PCDHA5: variants seen among roughly 807,000 people sequenced by gnomAD.
The protein encoded by PCDHA5 is protocadherin alpha 5.
A neutral mutation model predicts 61.6 loss-of-function variants in PCDHA5; 43 were observed. That is an observed-to-expected ratio of 0.70 (90% CI 0.55 to 0.90). PCDHA5 has a LOEUF of 0.90. PCDHA5 is among the 40% of genes least tolerant of loss of function. The pLI, the probability that PCDHA5 is intolerant of heterozygous loss-of-function variation, is 0.00. For synonymous variants in PCDHA5, 627 were observed against 543.9 expected, an observed-to-expected ratio of 1.15 and a Z score of -2.13; for missense variants, 1,298 against 1,222.7, an observed-to-expected ratio of 1.06 and a Z score of -0.92.
intron 1 of PCDHA5, among the ~76,000 whole-genome samples, chr5:140,897,922 C>T (rs1476419563): frequency 3.3e-5 from 5 of 152,164 alleles, no homozygotes; most frequent in Non-Finnish European, 5.9e-5. Context: ...TTTTGATTTG[C>T]GTTTCTCTGA....
At chr5:140,882,000 G>A in intron 1 of PCDHA5, 1 of 477,842 alleles carries the variant, frequency 2.1e-6, no homozygotes, top group Non-Finnish European at 3.5e-6. Flanking sequence ...GGAAATGCAA[G>A]GGGCAAAAAA....
chr5:140,835,558 G>A (rs1359916127), intron 1 of PCDHA5: 13 of 1,613,894 alleles, frequency 8.1e-6, no homozygotes, highest in Non-Finnish European at 1.0e-5. Context: ...CTGACGCCCC[G>A]CGTTCCCTTC....
At chr5:140,955,183 G>A (rs556157825) in intron 1 of PCDHA5, among the ~76,000 whole-genome samples, 1 of 152,122 alleles carries the variant, frequency 6.6e-6, no homozygotes, top group South Asian at 2.1e-4. Flanking sequence ...GTAGTTTTGT[G>A]GTGTATATGA....
At chr5:140,827,173 A>G (rs1396480126) in intron 1 of PCDHA5, among the ~76,000 whole-genome samples, 1 of 152,190 alleles carries the variant, frequency 6.6e-6, no homozygotes, top group Non-Finnish European at 1.5e-5. Flanking sequence ...ATACCTCAAT[A>G]AAAGTCTTAT....
In PCDHA5 at chr5:140,966,434, C is replaced by G. The variant is rs889087342; in HGVS notation, c.2353-12515C>G. 9 of 423,984 alleles carry G rather than the reference C, an allele frequency of 2.1e-5. No individual in the cohort carries two copies. In the Admixed American group the frequency reaches 3.9e-4, roughly 19 times the overall value. The allele number at this position is 423,984 out of a possible 1,614,324, so 26.3% of individuals were successfully genotyped here. On this transcript the variant is annotated intron_variant, in intron 1 of 3. Coordinates refer to ENST00000529859, the MANE Select transcript of PCDHA5 (RefSeq NM_018908.3). ...GAGCAGGACTTGCTGAGCCCTCCTA[C>G]CGCTCCCTTTCCCCCTCCCCCTCTG...
chr5:140,884,521 G>C (rs569278761), intron 1 of PCDHA5: 1 of 1,614,196 alleles, frequency 6.2e-7, no homozygotes, highest in African/African-American at 1.3e-5. Context: ...GGTCGTACTC[G>C]CAGCAGAGGC....
intron 1 of PCDHA5, among the ~76,000 whole-genome samples, chr5:140,840,919 A>C (rs2150310100): frequency 6.6e-5 from 10 of 152,182 alleles, no homozygotes; most frequent in African/African-American, 2.2e-4. Context: ...TAAATTTATT[A>C]TTAATTGATA....
intron 1 of PCDHA5, chr5:140,869,477 A>C: frequency 6.2e-7 from 1 of 1,614,208 alleles, no homozygotes; most frequent in South Asian, 1.1e-5. Context: ...GAGGTGAAGG[A>C]CATTAACGAC....
At chr5:140,914,997 G>A (rs548148626) in intron 1 of PCDHA5, among the ~76,000 whole-genome samples, 43 of 148,264 alleles carry the variant, frequency 2.9e-4, no homozygotes, top group African/African-American at 1.0e-3. Flanking sequence ...CCAGGCTGGA[G>A]TGCAGTGGCC....
chr5:140,845,035 G>GC (rs1258686768), intron 1 of PCDHA5, among the ~76,000 whole-genome samples: 16 of 149,032 alleles, frequency 1.1e-4, no homozygotes, highest in African/African-American at 3.7e-4. Flanking sequence ...GCATATTTTA[G>GC]CCCCCTTGTC....
intron 1 of PCDHA5, among the ~76,000 whole-genome samples, chr5:140,845,100 T>G (rs1393397461): frequency 1.3e-5 from 2 of 149,736 alleles, no homozygotes; most frequent in Non-Finnish European, 3.0e-5. Flanking sequence ...TACAGTTCTC[T>G]TAATGCCTGT....
At chr5:140,976,566 A>C (rs2096723160) in intron 1 of PCDHA5, among the ~76,000 whole-genome samples, 2 of 152,098 alleles carry the variant, frequency 1.3e-5, no homozygotes, top group African/African-American at 4.8e-5. Flanking sequence ...TAAATAAATA[A>C]ATATAAATAA....
intron 1 of PCDHA5, chr5:140,866,843 TAAC>T (rs1212569386): frequency 2.6e-5 from 4 of 152,142 alleles, no homozygotes; most frequent in African/African-American, 9.7e-5. Flanking sequence ...CAAAATCAGT[TAAC>T]AATAACTGTA....
intron 3 of PCDHA5, among the ~76,000 whole-genome samples, chr5:140,984,059 C>A (rs1269975627): frequency 6.6e-6 from 1 of 152,108 alleles, no homozygotes; most frequent in East Asian, 1.9e-4. Flanking sequence ...CAAATCTGTA[C>A]CCTCAGTGCC....
chr5:140,917,106 TC>T (rs1554197830), intron 1 of PCDHA5, among the ~76,000 whole-genome samples: 1 of 152,094 alleles, frequency 6.6e-6, no homozygotes, highest in African/African-American at 2.4e-5. Context: ...GTGCTTTACT[TC>T]CTCCAAGTGC....
intron 1 of PCDHA5, among the ~76,000 whole-genome samples, chr5:140,827,408 A>G (rs1361434202): frequency 1.3e-5 from 2 of 152,254 alleles, no homozygotes; most frequent in Non-Finnish European, 2.9e-5. Context: ...GTGATAAAGA[A>G]TATGCTCTAG....
chr5:140,842,993 G>A (rs2150349485), intron 1 of PCDHA5: 1 of 1,595,046 alleles, frequency 6.3e-7, no homozygotes. Context: ...CGTGCTGGAC[G>A]AGAATGACAA....
intron 1 of PCDHA5, chr5:140,861,112 C>T (rs1554154163): frequency 2.0e-5 from 3 of 152,522 alleles, no homozygotes; most frequent in Admixed American, 6.5e-5. Flanking sequence ...TTAAAAACTA[C>T]AAACACCCAT....
At chr5:140,926,738 G>T in intron 1 of PCDHA5, 1 of 1,162,106 alleles carries the variant, frequency 8.6e-7, no homozygotes, top group Non-Finnish European at 1.1e-6. Context: ...TTCGGGAGGC[G>T]CAACGTCGGC....
Sources: gnomAD v4.1 joint callset for allele counts (sites outside exome capture counted in the v4.1 genomes callset) on GRCh38, gnomAD v4.1.1 for gene constraint, MANE v1.5 for transcripts, NCBI Gene and HGNC (gene_info 2026-07-23, HGNC 2026-07-21) for gene names.